The following RPAP2 variants were observed in gnomAD, a reference collection of about 807,000 sequenced individuals.
RPAP2 encodes putative RNA polymerase II subunit B1 CTD phosphatase RPAP2.
Under a neutral mutation model 73.1 loss-of-function variants are expected in RPAP2, and 52 were observed. The observed-to-expected ratio is 0.71, with a 90% CI of 0.57 to 0.90. The LOEUF (loss-of-function observed/expected upper bound fraction) is 0.90. Among genes scored for constraint, RPAP2 ranks in the 40% least tolerant of loss-of-function variants. RPAP2 has a pLI of 0.00. For synonymous variants in RPAP2, 225 were observed against 242.1 expected, an observed-to-expected ratio of 0.93 and a Z score of 0.65; for missense variants, 598 against 701.8, an observed-to-expected ratio of 0.85 and a Z score of 1.67.
chr1:92,380,981 T>A, intron 12 of RPAP2, 108 bp downstream of exon 12: 2 of 882,714 alleles, frequency 2.3e-6, no homozygotes, highest in Non-Finnish European at 3.3e-6. Flanking sequence ...GACCTCAAGA[T>A]GCCCTCAGTT....
chr1:92,337,161 C>A (rs772981264), intron 10 of RPAP2, among the ~76,000 whole-genome samples: 1 of 152,054 alleles, frequency 6.6e-6, no homozygotes, highest in Admixed American at 6.5e-5. Flanking sequence ...GAATAAACTT[C>A]TAGGGTGGAA....
intron 9 of RPAP2, among the ~76,000 whole-genome samples, chr1:92,333,779 C>T (rs537487419): frequency 2.6e-5 from 4 of 152,070 alleles, no homozygotes; most frequent in Non-Finnish European, 4.4e-5. Context: ...AAAGCTAGAC[C>T]CATTTAAATA....
rs75256620 is a variant in RPAP2, at chr1:92,344,798, T to C, written c.1620-1048T>C. Among the ~76,000 whole-genome samples the C allele has an allele frequency of 4.7e-3, 718 of 152,346 alleles. 4 individuals are homozygous for C. Among genetic ancestry groups the C allele is most frequent in the African/African-American group, 0.017 (697 of 41,590 alleles). ...CAGGTGGATGGAGTGAATTATTGTC[T>C]TTATATTAATTTCTCAAATTATTAG... On this transcript the variant is annotated intron_variant, in intron 10 of 12. Transcript: ENST00000610020.
Position 92,399,258 on chromosome 1 carries a change from A to G in RPAP2, c.*12247A>G, listed in dbSNP as rs2101476326. On this transcript the variant is annotated 3_prime_UTR_variant, in exon 13 of 13. Coordinates refer to ENST00000610020, the MANE Select transcript of RPAP2 (RefSeq NM_024813.3). Reference sequence around the variant, plus strand: ...GAAAGCCATCCAGCCACCTTGCAACATGTTCAGGAAATTCTGGACTCCCTT... The same window carrying G: ...GAAAGCCATCCAGCCACCTTGCAACGTGTTCAGGAAATTCTGGACTCCCTT... The G allele has an allele frequency of 6.6e-6, 1 of 152,330 alleles. No homozygotes were observed. Among genetic ancestry groups the G allele is most frequent in the Non-Finnish European group, 1.5e-5 (1 of 68,040 alleles). 9.4% of individuals were successfully genotyped at this position (152,330 alleles called of 1,614,324 possible). A position where few individuals can be genotyped will look rare whatever the true frequency, so the allele number is the denominator to read the frequency against.
At chr1:92,320,536 C>A in intron 6 of RPAP2, 63 bp from the exon 7 acceptor site, 2 of 1,392,918 alleles carry the variant, frequency 1.4e-6, no homozygotes, top group Non-Finnish European at 2.0e-6. Context: ...TCCGAAAGTG[C>A]TGGGGTTACA....
Position 92,399,835 on chromosome 1 carries a change from G to A in RPAP2, c.*12824G>A, listed in dbSNP as rs2101476991. On this transcript the variant is annotated 3_prime_UTR_variant, in exon 13 of 13. Coordinates refer to ENST00000610020, the MANE Select transcript of RPAP2 (RefSeq NM_024813.3). Reference sequence around the variant, plus strand: ...AGTCACTTTCACTATGGCCACAATGGGAGAAAAGACAGTCCACCTTCAAAG... The same window carrying A: ...AGTCACTTTCACTATGGCCACAATGAGAGAAAAGACAGTCCACCTTCAAAG... The A allele has an allele frequency of 6.6e-6, 1 of 152,212 alleles. No homozygotes were observed. The highest frequency in any genetic ancestry group is 3.4e-3 in the Middle Eastern group (1 of 294). The allele number at this position is 152,212 out of a possible 1,614,324, so 9.4% of individuals were successfully genotyped here. A position where few individuals can be genotyped will look rare whatever the true frequency, so the allele number is the denominator to read the frequency against.
At chr1:92,313,479 G>T (rs1202386381) in intron 6 of RPAP2, among the ~76,000 whole-genome samples, 1 of 144,760 alleles carries the variant, frequency 6.9e-6, no homozygotes, top group African/African-American at 2.5e-5. Context: ...TTCAACAGTT[G>T]GCTTAAAATA....
intron 11 of RPAP2, among the ~76,000 whole-genome samples, chr1:92,346,520 TTTTCG>T: frequency 6.6e-6 from 1 of 152,308 alleles, no homozygotes; most frequent in African/African-American, 2.4e-5. Flanking sequence ...CAGAATAGTC[TTTTCG>T]TTTCATTTTT....
At chr1:92,366,996 G>T (rs972426449) in intron 11 of RPAP2, among the ~76,000 whole-genome samples, 4 of 152,178 alleles carry the variant, frequency 2.6e-5, no homozygotes, top group Non-Finnish European at 5.9e-5. Context: ...GATAAAATAT[G>T]GGTAAGGTGA....
At position 92,387,128 on chromosome 1, in the gene RPAP2, C is replaced by T. The variant is rs1655897258; in HGVS notation, c.*117C>T. 4 of 1,061,910 alleles carry T rather than the reference C, an allele frequency of 3.8e-6. No homozygotes were observed. In the South Asian group the frequency reaches 6.4e-5, roughly 17 times the overall value. 65.8% of individuals were successfully genotyped at this position (1,061,910 alleles called of 1,614,324 possible). A position where few individuals can be genotyped will look rare whatever the true frequency, so the allele number is the denominator to read the frequency against. On this transcript the variant is annotated 3_prime_UTR_variant, in exon 13 of 13. Transcript: ENST00000610020. ...AGTTTTATTCCAAGACATACCTTTA[C>T]CTCTTTAAGTTTCAATCTCCCATCT...
intron 6 of RPAP2, among the ~76,000 whole-genome samples, chr1:92,310,618 C>T (rs972263453): frequency 6.6e-6 from 1 of 151,916 alleles, no homozygotes; most frequent in Non-Finnish European, 1.5e-5. Context: ...ATTTTTATGG[C>T]CAGGTGTGGT....
chr1:92,385,848 C>T (rs115726129), intron 12 of RPAP2, among the ~76,000 whole-genome samples: 2,122 of 152,304 alleles, frequency 0.014, 47 homozygotes, highest in African/African-American at 0.048. Context: ...AACTGGGAGC[C>T]TCTGGCTCAG....
intron 11 of RPAP2, among the ~76,000 whole-genome samples, chr1:92,354,950 G>A (rs1352122782): frequency 6.6e-6 from 1 of 151,044 alleles, no homozygotes; most frequent in Non-Finnish European, 1.5e-5. Flanking sequence ...CCAGGCTGGA[G>A]TGCAGTGGCA....
rs72960803 is a variant in RPAP2, at chr1:92,328,955, C to T, written c.1456-4436C>T. ...CCCAGCAGAGCTACCAGGCTTCTGG[C>T]GGGTACTAGGGAGTGTCTGCAAAGG... is the stretch of plus-strand genomic sequence containing the variant. On this transcript the variant is annotated intron_variant, in intron 8 of 12. Coordinates refer to ENST00000610020, the MANE Select transcript of RPAP2 (RefSeq NM_024813.3). 9.5e-3 allele frequency among the ~76,000 whole-genome samples: 1,449 copies of T among 152,278 alleles called. 21 individuals carry two copies. Among genetic ancestry groups the T allele is most frequent in the African/African-American group, 0.033 (1,390 of 41,556 alleles).
intron 6 of RPAP2, among the ~76,000 whole-genome samples, chr1:92,318,569 T>A (rs1652063567): frequency 6.6e-6 from 1 of 152,186 alleles, no homozygotes. Flanking sequence ...GTAGATAGTT[T>A]AACCCACTTT....
intron 11 of RPAP2, among the ~76,000 whole-genome samples, chr1:92,371,982 AT>A (rs1655176680): frequency 6.6e-6 from 1 of 152,142 alleles, no homozygotes; most frequent in African/African-American, 2.4e-5. Context: ...TATCATCATC[AT>A]CAAAACAGTA....
intron 10 of RPAP2, among the ~76,000 whole-genome samples, chr1:92,338,231 A>C (rs1432461343): frequency 6.6e-6 from 1 of 152,198 alleles, no homozygotes; most frequent in Non-Finnish European, 1.5e-5. Flanking sequence ...TCTAATTACT[A>C]AGATTTTTAC....
intron 3 of RPAP2, 128 bp downstream of exon 3, chr1:92,301,718 A>G (rs1650870840): frequency 7.0e-6 from 3 of 431,464 alleles, no homozygotes; most frequent in Non-Finnish European, 8.2e-6. Flanking sequence ...ATAACAATCC[A>G]TATAATTCAT....
chr1:92,313,838 A>G (rs192080828), intron 6 of RPAP2, among the ~76,000 whole-genome samples: 57 of 152,314 alleles, frequency 3.7e-4, no homozygotes, highest in African/African-American at 1.3e-3. Context: ...AACTTGCTGT[A>G]CCTTCTACAT....
Sources: gnomAD v4.1 joint callset for allele counts (sites outside exome capture counted in the v4.1 genomes callset) on GRCh38, gnomAD v4.1.1 for gene constraint, MANE v1.5 for transcripts, NCBI Gene and HGNC (gene_info 2026-07-23, HGNC 2026-07-21) for gene names.